The following SLC44A5 variants were observed in gnomAD, a reference collection of about 807,000 sequenced individuals.
The protein encoded by SLC44A5 is choline transporter-like protein 5.
A neutral mutation model predicts 101.8 loss-of-function variants in SLC44A5; 57 were observed. The ratio of observed to expected loss-of-function variants is 0.56; its 90% CI spans 0.45 to 0.70. The LOEUF (loss-of-function observed/expected upper bound fraction) is 0.70. SLC44A5 is among the 30% of genes least tolerant of loss of function. SLC44A5 has a pLI of 0.00. For synonymous variants in SLC44A5, 281 were observed against 290.9 expected, an observed-to-expected ratio of 0.97 and a Z score of 0.35; for missense variants, 737 against 853.1, an observed-to-expected ratio of 0.86 and a Z score of 1.70.
At chr1:75,387,999 G>T (rs1661497574) in intron 3 of SLC44A5, among the ~76,000 whole-genome samples, 1 of 145,830 alleles carries the variant, frequency 6.9e-6, no homozygotes, top group South Asian at 2.2e-4. Flanking sequence ...CTCATAGGTG[G>T]GAATTGAACA....
intron 6 of SLC44A5, among the ~76,000 whole-genome samples, chr1:75,266,188 T>A (rs1054706333): frequency 1.3e-5 from 2 of 152,024 alleles, no homozygotes; most frequent in African/African-American, 4.8e-5. Flanking sequence ...TCTTCCAGAG[T>A]TGGGAATCAA....
the SLC44A5 span, among the ~76,000 whole-genome samples, chr1:75,673,985 C>T: frequency 6.6e-6 from 1 of 151,978 alleles, no homozygotes; most frequent in Non-Finnish European, 1.5e-5. Context: ...TAATAAATAC[C>T]TAACTCTTTA....
intron 2 of SLC44A5, among the ~76,000 whole-genome samples, chr1:75,472,083 TA>T (rs11284319): frequency 0.56 from 78,415 of 141,282 alleles, 21,822 homozygotes; most frequent in East Asian, 0.94. Flanking sequence ...CCCCTGGGTT[TA>T]AAAAAAAAAA....
At chr1:75,387,336 T>G (rs867826316) in intron 3 of SLC44A5, among the ~76,000 whole-genome samples, 1,793 of 142,646 alleles carry the variant, frequency 0.013, 42 homozygotes, top group African/African-American at 0.045. Context: ...ATATCCAGAA[T>G]CTACAATGAA....
chr1:75,560,916 G>A (rs971205409), intron 1 of SLC44A5, among the ~76,000 whole-genome samples: 2 of 152,106 alleles, frequency 1.3e-5, no homozygotes, highest in Admixed American at 6.6e-5. Flanking sequence ...CATTAACTAT[G>A]TTGATAACAA....
chr1:75,476,632 C>T (rs535742608), intron 2 of SLC44A5, among the ~76,000 whole-genome samples: 15 of 152,358 alleles, frequency 9.8e-5, no homozygotes, highest in South Asian at 2.1e-4. Flanking sequence ...CCTACGCCCA[C>T]GGAGTCTCGC....
At chr1:75,250,001 T>A (rs563746764) in intron 7 of SLC44A5, among the ~76,000 whole-genome samples, 2 of 152,318 alleles carry the variant, frequency 1.3e-5, no homozygotes, top group South Asian at 4.1e-4. Context: ...ATTTCTTTTT[T>A]AAAAACTTTT....
At chr1:75,241,311 A>G (rs1570447358) in intron 9 of SLC44A5, among the ~76,000 whole-genome samples, 1 of 151,938 alleles carries the variant, frequency 6.6e-6, no homozygotes, top group Non-Finnish European at 1.5e-5. Context: ...ACAGGCTTCA[A>G]CTCCTGGGCT....
chr1:75,397,382 G>A (rs1249812), intron 2 of SLC44A5, among the ~76,000 whole-genome samples: 74,435 of 152,010 alleles, frequency 0.49, 19,627 homozygotes, highest in East Asian at 0.94. Context: ...AAAGAATTCC[G>A]TCTATAGACC....
intron 3 of SLC44A5, among the ~76,000 whole-genome samples, chr1:75,389,698 A>G (rs1267597318): frequency 6.6e-6 from 1 of 152,224 alleles, no homozygotes; most frequent in South Asian, 2.1e-4. Context: ...CTACATACCT[A>G]TATTGAGAAG....
At chr1:75,482,531 C>T (rs949481869) in intron 2 of SLC44A5, among the ~76,000 whole-genome samples, 1 of 152,106 alleles carries the variant, frequency 6.6e-6, no homozygotes, top group Non-Finnish European at 1.5e-5. Flanking sequence ...GTGTATATGG[C>T]ACACACTATA....
intron 1 of SLC44A5, among the ~76,000 whole-genome samples, chr1:75,574,381 T>C (rs1234082266): frequency 1.3e-5 from 2 of 152,216 alleles, no homozygotes; most frequent in Admixed American, 6.5e-5. Context: ...TAGCAAATCA[T>C]TAACTGTCAC....
the SLC44A5 span, among the ~76,000 whole-genome samples, chr1:75,673,311 T>C: frequency 6.6e-6 from 1 of 151,570 alleles, no homozygotes; most frequent in Non-Finnish European, 1.5e-5. Flanking sequence ...GGGGGTGTGA[T>C]GACCACAAGG....
chr1:75,252,299 A>G (rs1250985489), intron 6 of SLC44A5, among the ~76,000 whole-genome samples: 2 of 152,238 alleles, frequency 1.3e-5, no homozygotes, highest in Non-Finnish European at 2.9e-5. Context: ...CTACATGCAT[A>G]GCACAAAATG....
chr1:75,250,154 C>A (rs1649440391), intron 7 of SLC44A5, among the ~76,000 whole-genome samples: 1 of 152,110 alleles, frequency 6.6e-6, no homozygotes, highest in South Asian at 2.1e-4. Context: ...TCTCCTCCCA[C>A]CCTTCACCTT....
chr1:75,391,524 G>A (rs1249826), intron 3 of SLC44A5, among the ~76,000 whole-genome samples: 94,624 of 151,420 alleles, frequency 0.62, 31,008 homozygotes, highest in East Asian at 0.96. Context: ...AAAAACAGAC[G>A]TATAGACCCA....
At chr1:75,283,194 C>A (rs182714268) in intron 5 of SLC44A5, among the ~76,000 whole-genome samples, 1 of 151,224 alleles carries the variant, frequency 6.6e-6, no homozygotes, top group African/African-American at 2.4e-5. Context: ...GCCATTCTTG[C>A]AGGAGTAAGG....
At chr1:75,282,553 TG>T (rs1189675657) in intron 5 of SLC44A5, among the ~76,000 whole-genome samples, 2 of 152,184 alleles carry the variant, frequency 1.3e-5, no homozygotes, top group Non-Finnish European at 2.9e-5. Context: ...GGTCTGGTTC[TG>T]TGTTCCCACC....
At chr1:75,654,559 CA>C in the SLC44A5 span, among the ~76,000 whole-genome samples, 1 of 152,064 alleles carries the variant, frequency 6.6e-6, no homozygotes, top group Non-Finnish European at 1.5e-5. Flanking sequence ...TACTTTTAAC[CA>C]GAAATACTGC....
Sources: gnomAD v4.1 joint callset for allele counts (sites outside exome capture counted in the v4.1 genomes callset) on GRCh38, gnomAD v4.1.1 for gene constraint, MANE v1.5 for transcripts, NCBI Gene and HGNC (gene_info 2026-07-23, HGNC 2026-07-21) for gene names.